The following GLYR1 variants were observed in gnomAD, a reference collection of about 807,000 sequenced individuals.
The protein encoded by GLYR1 is cytokine-like nuclear factor N-PAC.
GLYR1 carries 21 observed loss-of-function variants against 72.7 expected under a neutral mutation model. The observed-to-expected ratio is 0.29, with a 90% CI of 0.20 to 0.42. The LOEUF (loss-of-function observed/expected upper bound fraction) is 0.42, where lower values mean the gene tolerates loss of function less well. GLYR1 is among the 10% of genes least tolerant of loss of function. The pLI is 1.00. For synonymous variants in GLYR1, 392 were observed against 270.2 expected, an observed-to-expected ratio of 1.45 and a Z score of -4.42; for missense variants, 594 against 712.1, an observed-to-expected ratio of 0.83 and a Z score of 1.89.
Position 4,805,275 on chromosome 16 carries a change from G to T in GLYR1, c.1623C>A (p.Asp541Glu). 6.2e-7 allele frequency: 1 copy of T among 1,614,074 alleles called. No individual in the cohort carries two copies. Among genetic ancestry groups the T allele is most frequent in the African/African-American group, 1.3e-5 (1 of 75,012 alleles). ...YKRAKALDQSDNDMSAVYRAY... is the reference protein window; with the variant it reads ...YKRAKALDQSENDMSAVYRAY... ...CTCGGTACACGGCGGACATATCGTT[G>T]TCAGACTGGTCCAGCGCCTTGGCTC... The change falls in exon 16 of 16, where the codon GAC becomes GAA. Residue 541 changes from aspartate to glutamate, a missense_variant. By Grantham distance (45) the Asp-to-Glu change is conservative (BLOSUM62 2). Transcript: ENST00000321919.
At position 4,817,982 on chromosome 16, in the gene GLYR1, G is replaced by C. The variant is rs1433584439; in HGVS notation, c.807-285C>G. ...GTATGGTTCAGGGCCAGTCTCCCAG[G>C]GCAAAGTCCCCTTGCTGCCCTTTTT... On this transcript the variant is annotated intron_variant, in intron 9 of 15. Transcript: ENST00000321919. The C allele has an allele frequency of 9.4e-6, 3 of 319,336 alleles. No homozygotes were observed. The East Asian group carries it at 1.9e-4, about 21-fold the overall frequency. 19.8% of individuals were successfully genotyped at this position (319,336 alleles called of 1,614,324 possible).
intron 9 of GLYR1, chr16:4,821,116 A>C: frequency 1.8e-6 from 1 of 547,768 alleles, no homozygotes; most frequent in Non-Finnish European, 3.3e-6. Flanking sequence ...GGAAAGTCTG[A>C]GAACCACTGA....
intron 15 of GLYR1, among the ~76,000 whole-genome samples, chr16:4,807,406 C>T (rs1184386039): frequency 6.6e-6 from 1 of 152,012 alleles, no homozygotes; most frequent in Non-Finnish European, 1.5e-5. Context: ...AGCCACCGTG[C>T]CCAGCTGAAA....
chr16:4,809,363 G>C (rs1204661117), intron 15 of GLYR1, among the ~76,000 whole-genome samples: 1 of 150,598 alleles, frequency 6.6e-6, no homozygotes, highest in Non-Finnish European at 1.5e-5. Context: ...CTAATTTTTT[G>C]TATTTTTAGT....
intron 5 of GLYR1, among the ~76,000 whole-genome samples, chr16:4,829,936 G>A (rs2142009174): frequency 6.6e-6 from 1 of 152,212 alleles, no homozygotes; most frequent in South Asian, 2.1e-4. Context: ...GCCTCCCAAA[G>A]TGCTGGGATT....
chr16:4,823,022 A>G (rs2084139997), intron 6 of GLYR1, 91 bp from the exon 7 acceptor site: 1 of 1,021,910 alleles, frequency 9.8e-7, no homozygotes, highest in Admixed American at 1.7e-5. Context: ...TCTGGCTGCA[A>G]CACCTCTGGA....
At chr16:4,837,652 G>C (rs1302692470) in intron 3 of GLYR1, among the ~76,000 whole-genome samples, 14 of 151,902 alleles carry the variant, frequency 9.2e-5, no homozygotes, top group South Asian at 2.1e-4. Context: ...CAAGCATAGA[G>C]TATAAAGGTG....
At chr16:4,811,885 C>G in intron 13 of GLYR1, 83 bp from the exon 14 acceptor site, 1 of 1,489,600 alleles carries the variant, frequency 6.7e-7, no homozygotes, top group Non-Finnish European at 9.0e-7. Context: ...CTGCTCAGAC[C>G]CACCTCTCTC....
intron 5 of GLYR1, among the ~76,000 whole-genome samples, chr16:4,830,601 C>A (rs2084732892): frequency 6.6e-6 from 1 of 152,196 alleles, no homozygotes; most frequent in African/African-American, 2.4e-5. Flanking sequence ...GATCCAAGGT[C>A]TAATGTTCCA....
chr16:4,831,903 G>A lies in GLYR1; in HGVS notation c.537+76C>T, dbSNP rs887589908. The stretch of plus-strand genomic sequence containing the variant: ...GAGTATAGATAAGCATACTACATAA[G>A]CATACTGTAGAGCTTAACTCTACCT... On this transcript the variant is annotated intron_variant, in intron 5 of 15. Coordinates refer to ENST00000321919, the MANE Select transcript of GLYR1 (RefSeq NM_032569.4). 7 of 1,534,844 alleles carry A rather than the reference G, an allele frequency of 4.6e-6. No individual in the cohort carries two copies. The African/African-American group carries it at 8.3e-5, about 18-fold the overall frequency.
chr16:4,833,085 A>C lies in GLYR1; in HGVS notation c.156-173T>G, dbSNP rs573972132. 1,461 of 498,606 alleles carry C rather than the reference A, an allele frequency of 2.9e-3. 8 individuals carry two copies. The highest frequency in any genetic ancestry group is 4.4e-3 in the Non-Finnish European group (1,286 of 295,354). The allele number at this position is 498,606 out of a possible 1,614,324, so 30.9% of individuals were successfully genotyped here. On this transcript the variant is annotated intron_variant, in intron 3 of 15. Transcript: ENST00000321919. ...AACCATCTCAGAGTCTTATGTCTAAAGTATATTTTCTTGAAACAAGTCAAG... is the reference window on the plus strand; with the variant it reads ...AACCATCTCAGAGTCTTATGTCTAACGTATATTTTCTTGAAACAAGTCAAG...
At chr16:4,825,479 G>T (rs1218799825) in intron 5 of GLYR1, among the ~76,000 whole-genome samples, 1 of 152,144 alleles carries the variant, frequency 6.6e-6, no homozygotes, top group Non-Finnish European at 1.5e-5. Context: ...TTATCAGAGT[G>T]GCTTCACCTG....
At chr16:4,817,000 G>A (rs976566486) in intron 10 of GLYR1, among the ~76,000 whole-genome samples, 6 of 150,840 alleles carry the variant, frequency 4.0e-5, no homozygotes, top group African/African-American at 1.5e-4. Flanking sequence ...CTGGAGTGCA[G>A]TGACACGATC....
chr16:4,807,113 T>A (rs1216183419), intron 15 of GLYR1, among the ~76,000 whole-genome samples: 3 of 145,992 alleles, frequency 2.1e-5, no homozygotes, highest in East Asian at 4.0e-4. Flanking sequence ...GCCCCTTTTT[T>A]TTTTTTTTTT....
intron 3 of GLYR1, among the ~76,000 whole-genome samples, chr16:4,843,129 C>G (rs183238716): frequency 3.2e-4 from 48 of 152,320 alleles, no homozygotes; most frequent in Admixed American, 3.0e-3. Flanking sequence ...AAAGTGGACA[C>G]ATAACACTGA....
chr16:4,828,599 C>G (rs1318810881), intron 5 of GLYR1, among the ~76,000 whole-genome samples: 1 of 152,016 alleles, frequency 6.6e-6, no homozygotes, highest in African/African-American at 2.4e-5. Flanking sequence ...TTCCTGTAAG[C>G]CTGGGCAGTG....
Position 4,843,949 on chromosome 16 carries a change from A to G in GLYR1, c.155+1125T>C, listed in dbSNP as rs752983325. The stretch of plus-strand genomic sequence containing the variant: ...AACATGGTGAAACCCCGTCTCTACT[A>G]AAAAATATAAAACAATTAGCCGGGT... On this transcript the variant is annotated intron_variant, in intron 3 of 15. Coordinates refer to ENST00000321919, the MANE Select transcript of GLYR1 (RefSeq NM_032569.4). The G allele has an allele frequency of 7.6e-5, 14 of 183,688 alleles. No individual in the cohort carries two copies. The East Asian group carries it at 2.0e-3, about 26-fold the overall frequency. 11.4% of individuals were successfully genotyped at this position (183,688 alleles called of 1,614,324 possible).
chr16:4,823,049 A>C (rs2084141720), intron 6 of GLYR1, 118 bp from the exon 7 acceptor site: 2 of 852,126 alleles, frequency 2.3e-6, no homozygotes, highest in South Asian at 1.5e-5. Flanking sequence ...TCTCTTTTTC[A>C]CAATTGTCTG....
intron 6 of GLYR1, 141 bp from the exon 7 acceptor site, chr16:4,823,072 C>A: frequency 1.4e-6 from 1 of 737,656 alleles, no homozygotes; most frequent in Non-Finnish European, 2.3e-6. Flanking sequence ...AACTCTTTTC[C>A]CATTTTGGCC....
Sources: gnomAD v4.1 joint callset for allele counts (sites outside exome capture counted in the v4.1 genomes callset) on GRCh38, gnomAD v4.1.1 for gene constraint, MANE v1.5 for transcripts, NCBI Gene and HGNC (gene_info 2026-07-23, HGNC 2026-07-21) for gene names.